Variants in NSF observed in about 807,000 individuals in gnomAD.
The protein encoded by NSF is N-ethylmaleimide sensitive factor, vesicle fusing ATPase, also known as vesicle-fusing ATPase.
NSF carries 14 observed loss-of-function variants against 50.3 expected under a neutral mutation model. The observed-to-expected ratio is 0.28, with a 90% confidence interval of 0.18 to 0.44. NSF has a LOEUF of 0.44. Ranked by LOEUF, NSF falls within the 20% of genes least tolerant of loss-of-function variation. The probability of loss-of-function intolerance (pLI) is 1.00; values close to 1 mark genes in which losing one functional copy is unlikely to be tolerated. For missense variants in NSF, 218 were observed against 504.3 expected (o/e 0.43, Z 5.44); for synonymous variants, 109 against 175.7 (o/e 0.62, Z 3.00).
intron 1 of NSF, among the ~76,000 whole-genome samples, chr17:46,610,041 C>CTCTT (rs1555666759): frequency 0.08 from 9,401 of 118,134 alleles, 1,291 homozygotes; most frequent in African/African-American, 0.12. Flanking sequence ...CTCTCTCTCT[C>CTCTT]TCTTTCTTTC....
chr17:46,719,518 ACTC>A lies in NSF; in HGVS notation c.1761+5536_1761+5538del, dbSNP rs988500707. Among the ~76,000 whole-genome samples, 1 of 152,040 alleles carries A rather than the reference ACTC, an allele frequency of 6.6e-6. No homozygotes were observed. The highest frequency in any genetic ancestry group is 2.4e-5 in the African/African-American group (1 of 41,388). ...TAGTGAATCCTTTCTCCATGGATAA[ACTC>A]CTCAAAACTGCTGAAGTATGTATGA... On this transcript the variant is annotated intron_variant, in intron 15 of 20. Transcript: ENST00000398238. The surrounding 1 kb of genome is among the most constrained non-coding windows in gnomAD (Gnocchi z 4.3).
At chr17:46,676,013 A>C (rs2058401740) in intron 9 of NSF, among the ~76,000 whole-genome samples, 1 of 136,072 alleles carries the variant, frequency 7.3e-6, no homozygotes, top group Non-Finnish European at 1.5e-5. Flanking sequence ...TTGGTTTCAT[A>C]ATGTATGGGT....
chr17:46,707,619 A>G (rs1344248399), intron 13 of NSF, among the ~76,000 whole-genome samples: 1 of 152,158 alleles, frequency 6.6e-6, no homozygotes, highest in Non-Finnish European at 1.5e-5. Flanking sequence ...GTACCCATGT[A>G]AGTGGAATCA....
intron 1 of NSF, among the ~76,000 whole-genome samples, chr17:46,609,827 C>CTTT (rs147645851): frequency 6.5e-5 from 8 of 123,326 alleles, no homozygotes; most frequent in East Asian, 6.4e-4. Flanking sequence ...CTCACTGTTT[C>CTTT]TTTTTTTTTT....
chr17:46,679,917 CAG>C (rs1247854079), intron 9 of NSF, among the ~76,000 whole-genome samples: 1 of 147,038 alleles, frequency 6.8e-6, no homozygotes, highest in Non-Finnish European at 1.5e-5. Context: ...TAGCAGAAAT[CAG>C]AATGTAAAGT....
intron 9 of NSF, among the ~76,000 whole-genome samples, chr17:46,685,379 A>G (rs1219167694): frequency 2.6e-5 from 4 of 151,444 alleles, no homozygotes; most frequent in African/African-American, 7.3e-5. Context: ...GGCTTGATGT[A>G]CTCAGCTAAT....
At chr17:46,755,706 T>G (rs1339589498) in intron 20 of NSF, 96 bp from the exon 21 acceptor site, 1 of 1,349,192 alleles carries the variant, frequency 7.4e-7, no homozygotes, top group African/African-American at 1.5e-5. Flanking sequence ...GGATAACCAT[T>G]AAGAAGCTTT....
chr17:46,742,755 C>T (rs758684898), intron 17 of NSF, among the ~76,000 whole-genome samples: 14 of 152,022 alleles, frequency 9.2e-5, no homozygotes, highest in South Asian at 6.2e-4. Context: ...ACTGCAAGGG[C>T]GCAGATGGAT....
intron 16 of NSF, among the ~76,000 whole-genome samples, chr17:46,728,341 C>A (rs2146295512): frequency 6.6e-6 from 1 of 152,214 alleles, no homozygotes; most frequent in South Asian, 2.1e-4. Context: ...TACTGAATGG[C>A]CATGGTTTGC....
At chr17:46,723,935 C>T (rs2058859199) in intron 15 of NSF, among the ~76,000 whole-genome samples, 1 of 152,176 alleles carries the variant, frequency 6.6e-6, no homozygotes, top group South Asian at 2.1e-4. Context: ...ATTGCCTTTA[C>T]AGTAAAATTT....
intron 17 of NSF, among the ~76,000 whole-genome samples, chr17:46,730,677 T>C (rs74994977): frequency 6.6e-6 from 1 of 152,184 alleles, no homozygotes; most frequent in Admixed American, 6.5e-5. Context: ...AAAAAATTTT[T>C]CAGTGTCTTT....
intron 17 of NSF, among the ~76,000 whole-genome samples, chr17:46,746,634 T>C (rs2146332059): frequency 6.6e-6 from 1 of 152,290 alleles, no homozygotes; most frequent in East Asian, 1.9e-4. Flanking sequence ...TATTCCTTTT[T>C]CATTTTCCAA....
intron 17 of NSF, among the ~76,000 whole-genome samples, chr17:46,747,613 G>T (rs1207741350): frequency 6.6e-6 from 1 of 151,968 alleles, no homozygotes; most frequent in Non-Finnish European, 1.5e-5. Context: ...TAATTGCACA[G>T]GATGCAATTA....
intron 19 of NSF, among the ~76,000 whole-genome samples, chr17:46,754,740 G>A (rs866287408): frequency 1.3e-5 from 2 of 152,180 alleles, no homozygotes; most frequent in African/African-American, 4.8e-5. Flanking sequence ...AGGAGACCCA[G>A]ATTCATCTGG....
intron 9 of NSF, among the ~76,000 whole-genome samples, chr17:46,691,619 G>C (rs907988398): frequency 1.3e-5 from 2 of 151,438 alleles, no homozygotes; most frequent in African/African-American, 4.9e-5. Context: ...ACAAAACAAC[G>C]ATTATATCCT....
chr17:46,710,818 A>G (rs989289052), intron 13 of NSF, 145 bp from the exon 14 acceptor site: 1 of 659,482 alleles, frequency 1.5e-6, no homozygotes, highest in Non-Finnish European at 2.3e-6. Context: ...GAGAAATTAT[A>G]CAAGTTGTTT....
chr17:46,716,815 C>T (rs1384434345), intron 15 of NSF, among the ~76,000 whole-genome samples: 2 of 152,152 alleles, frequency 1.3e-5, no homozygotes. Context: ...AACACATATA[C>T]CCCCTCCCTT....
rs930875348 is a variant in NSF at position 46,621,379 on chromosome 17, C to T, written c.13-2865C>T. Among the ~76,000 whole-genome samples, 10 of 133,496 alleles carry T rather than the reference C, an allele frequency of 7.5e-5. 1 individual carries two copies. Among genetic ancestry groups the T allele is most frequent in the East Asian group, 2.2e-4 (1 of 4,542 alleles). The allele number at this position is 133,496 out of a possible 152,430, so 87.6% of individuals were successfully genotyped here. ...TCAGCTCACTGCAAGCTCCGCCTCC[C>T]GGGCTCACGCCTTTCTCCTGCCTCA... On this transcript the variant is annotated intron_variant, in intron 1 of 20. Coordinates refer to ENST00000398238, the MANE Select transcript of NSF (RefSeq NM_006178.4).
intron 15 of NSF, 126 bp from the exon 16 acceptor site, chr17:46,726,423 T>C: frequency 1.2e-6 from 1 of 846,366 alleles, no homozygotes. Context: ...TCTAATTTAT[T>C]GTAGTCCAAA....
Sources: gnomAD v4.1 joint callset for allele counts (sites outside exome capture counted in the v4.1 genomes callset) on GRCh38, gnomAD v4.1.1 for gene constraint, Gnocchi (gnomAD v3.1) non-coding constraint, MANE v1.5 for transcripts, NCBI Gene and HGNC (gene_info 2026-07-23, HGNC 2026-07-21) for gene names.